ZBTB16: variants seen among roughly 807,000 people sequenced by gnomAD.
ZBTB16 encodes zinc finger and BTB domain containing 16.
In ZBTB16, 8 loss-of-function variants were observed where a neutral mutation model predicts 56.8. The ratio of observed to expected loss-of-function variants is 0.14; its 90% confidence interval spans 0.08 to 0.25. The LOEUF (loss-of-function observed/expected upper bound fraction) is 0.25. Among genes scored for constraint, ZBTB16 ranks in the 10% least tolerant of loss-of-function variants. The pLI is 1.00. For synonymous variants in ZBTB16, 363 were observed against 368.5 expected (o/e 0.98, Z 0.17); for missense variants, 625 against 903.0 (o/e 0.69, Z 3.95).
chr11:114,174,312 G>GTTTTTTT (rs11417322), intron 3 of ZBTB16, among the ~76,000 whole-genome samples: 1 of 145,924 alleles, frequency 6.9e-6, no homozygotes, highest in Non-Finnish European at 1.5e-5. Flanking sequence ...TCTGACTGAG[G>GTTTTTTT]TTTTTTTTTT....
chr11:114,229,096 T>C (rs1182913593), intron 4 of ZBTB16, among the ~76,000 whole-genome samples: 1 of 152,172 alleles, frequency 6.6e-6, no homozygotes, highest in African/African-American at 2.4e-5. Context: ...CAAAGTCAGA[T>C]CCCTTTTTGG....
chr11:114,160,023 C>G (rs146086108), intron 3 of ZBTB16, among the ~76,000 whole-genome samples: 484 of 151,822 alleles, frequency 3.2e-3, no homozygotes, highest in African/African-American at 0.011. Context: ...GGTTGCCCCC[C>G]TAAATGTTGC....
At chr11:114,248,653 G>A (rs80324515) in intron 6 of ZBTB16, among the ~76,000 whole-genome samples, 1,964 of 152,270 alleles carry the variant, frequency 0.013, 42 homozygotes, top group African/African-American at 0.045. Flanking sequence ...CGTTGCCCTT[G>A]GAGGGGAAGG....
intron 3 of ZBTB16, among the ~76,000 whole-genome samples, chr11:114,164,485 G>C (rs760529788): frequency 6.6e-6 from 1 of 152,126 alleles, no homozygotes; most frequent in Non-Finnish European, 1.5e-5. Flanking sequence ...TCCTTCCTAC[G>C]TTCTGGGTTG....
intron 2 of ZBTB16, among the ~76,000 whole-genome samples, chr11:114,073,466 A>C: frequency 6.6e-6 from 1 of 152,226 alleles, no homozygotes; most frequent in South Asian, 2.1e-4. Flanking sequence ...ATGCTGGTGC[A>C]GTCTGGAAAA....
chr11:114,233,084 C>CGCGCGCGT (rs1341589097), intron 4 of ZBTB16, among the ~76,000 whole-genome samples: 2 of 61,892 alleles, frequency 3.2e-5, no homozygotes, highest in African/African-American at 1.2e-4. Flanking sequence ...CGCGCGCGCA[C>CGCGCGCGT]ACACACACAC....
intron 2 of ZBTB16, among the ~76,000 whole-genome samples, chr11:114,072,969 G>A (rs1025923730): frequency 2.0e-5 from 3 of 150,344 alleles, no homozygotes; most frequent in Non-Finnish European, 2.9e-5. Context: ...GGAGAATGGC[G>A]TGAACCCGGG....
At chr11:114,164,409 G>A (rs1160631966) in intron 3 of ZBTB16, among the ~76,000 whole-genome samples, 1 of 152,178 alleles carries the variant, frequency 6.6e-6, no homozygotes, top group East Asian at 1.9e-4. Context: ...AGGGATGGAT[G>A]CTGGGACATC....
intron 3 of ZBTB16, among the ~76,000 whole-genome samples, chr11:114,166,761 A>G (rs1303348197): frequency 1.3e-5 from 2 of 152,074 alleles, no homozygotes; most frequent in African/African-American, 4.8e-5. Context: ...ATTTTGTGTG[A>G]TGGATGTGAA....
Position 114,255,963 on chromosome 11 carries a change from TTCAG to T in ZBTB16, c.*5410_*5413del, listed in dbSNP as rs1484483476. Among the ~76,000 whole-genome samples, 1 of 151,930 alleles carries T rather than the reference TTCAG, an allele frequency of 6.6e-6. No individual in the cohort carries two copies. Among genetic ancestry groups the T allele is most frequent in the Non-Finnish European group, 1.5e-5 (1 of 68,006 alleles). On this transcript the variant is annotated 3_prime_UTR_variant, in exon 7 of 7. Coordinates refer to ENST00000335953, the MANE Select transcript of ZBTB16 (RefSeq NM_006006.6). ...TGCAGTTAGAAGAGAATAAAGTTAA[TTCAG>T]TTGTCTCTCGCTTGAAGCGTCCCAC...
At chr11:114,229,154 C>A (rs111394344) in intron 4 of ZBTB16, among the ~76,000 whole-genome samples, 1 of 152,178 alleles carries the variant, frequency 6.6e-6, no homozygotes, top group Non-Finnish European at 1.5e-5. Flanking sequence ...AATTTAATTG[C>A]GAGTGGCCTG....
chr11:114,163,763 C>T (rs1030296922), intron 3 of ZBTB16, among the ~76,000 whole-genome samples: 27 of 152,184 alleles, frequency 1.8e-4, no homozygotes, highest in Admixed American at 1.7e-3. Flanking sequence ...TGGGGAAGCT[C>T]GTTCCATCTA....
At chr11:114,125,280 A>G (rs1213098405) in intron 2 of ZBTB16, among the ~76,000 whole-genome samples, 2 of 152,354 alleles carry the variant, frequency 1.3e-5, no homozygotes, top group African/African-American at 4.8e-5. Flanking sequence ...AAAAGTTTCA[A>G]GAATAATACA....
chr11:114,168,263 C>G (rs1942848787), intron 3 of ZBTB16, among the ~76,000 whole-genome samples: 1 of 152,120 alleles, frequency 6.6e-6, no homozygotes. Flanking sequence ...TGCCTGCTTC[C>G]CTCCAGCCCC....
At chr11:114,158,067 A>G (rs1942473282) in intron 3 of ZBTB16, among the ~76,000 whole-genome samples, 1 of 152,036 alleles carries the variant, frequency 6.6e-6, no homozygotes, top group African/African-American at 2.4e-5. Context: ...TTTGTACGCT[A>G]CTTAAGGTTC....
At chr11:114,235,503 T>A (rs1944545567) in intron 4 of ZBTB16, among the ~76,000 whole-genome samples, 3 of 152,328 alleles carry the variant, frequency 2.0e-5, no homozygotes, top group African/African-American at 7.2e-5. Flanking sequence ...GTTTTGTGTT[T>A]CATAATTTCA....
intron 4 of ZBTB16, among the ~76,000 whole-genome samples, chr11:114,221,635 TGC>T (rs1944233801): frequency 1.3e-5 from 2 of 152,154 alleles, no homozygotes; most frequent in Non-Finnish European, 2.9e-5. Context: ...AGACTCAGGC[TGC>T]CAGAGTGGCT....
intron 4 of ZBTB16, among the ~76,000 whole-genome samples, chr11:114,226,184 A>G (rs1471745983): frequency 3.9e-5 from 6 of 152,172 alleles, no homozygotes; most frequent in Non-Finnish European, 5.9e-5. Context: ...GTGAGTCAGT[A>G]AGTGAGTAAC....
At chr11:114,189,005 A>T (rs1943431544) in intron 4 of ZBTB16, 1 of 152,200 alleles carries the variant, frequency 6.6e-6, no homozygotes, top group Non-Finnish European at 1.5e-5. Flanking sequence ...CAAGCCTGAC[A>T]AGTTTAAGGA....
Sources: gnomAD v4.1 joint callset for allele counts (sites outside exome capture counted in the v4.1 genomes callset) on GRCh38, gnomAD v4.1.1 for gene constraint, MANE v1.5 for transcripts, NCBI Gene and HGNC (gene_info 2026-07-23, HGNC 2026-07-21) for gene names.